The following PRKDC variants were observed in gnomAD, a reference collection of about 807,000 sequenced individuals.
PRKDC encodes protein kinase, DNA-activated, catalytic subunit, also known as DNA-dependent protein kinase catalytic subunit.
Under a neutral mutation model 486.9 loss-of-function variants are expected in PRKDC, and 82 were observed. The ratio of observed to expected loss-of-function variants is 0.17; its 90% CI spans 0.14 to 0.20. The LOEUF is 0.20. PRKDC is among the 10% of genes least tolerant of loss of function. The pLI, the probability that PRKDC is intolerant of heterozygous loss-of-function variation, is 1.00. For synonymous variants in PRKDC, 1,895 were observed against 1,837.0 expected, an observed-to-expected ratio of 1.03 and a Z score of -0.81; for missense variants, 4,504 against 5,038.2, an observed-to-expected ratio of 0.89 and a Z score of 3.21.
Position 47,826,859 on chromosome 8 carries a change from G to A in PRKDC, c.8580C>T (p.Asp2860=). The part of the protein sequence containing the change: ...FFPPFVSCIQ[D]ISCQHAALLS... Reference sequence around the variant, plus strand: ...GCAGGGCTGCGTGCTGACAGCTAATGTCCTGTGAAACCACACATACAACCA... The same window carrying A: ...GCAGGGCTGCGTGCTGACAGCTAATATCCTGTGAAACCACACATACAACCA... Residue 2860 remains aspartate (D), a splice_region_variant and synonymous_variant, in exon 63 of 86, where the codon GAC becomes GAT. Transcript: ENST00000314191. 1 of 1,573,692 alleles carries A rather than the reference G, an allele frequency of 6.4e-7. No individual in the cohort carries two copies. Among genetic ancestry groups the A allele is most frequent in the Non-Finnish European group, 8.7e-7 (1 of 1,155,244 alleles).
intron 25 of PRKDC, among the ~76,000 whole-genome samples, chr8:47,907,780 T>C (rs2089819146): frequency 6.6e-6 from 1 of 152,082 alleles, no homozygotes; most frequent in African/African-American, 2.4e-5. Context: ...GGCCAATTTA[T>C]ATACATTTAA....
rs1326726495 is a variant in PRKDC, at chr8:47,943,449, A to G, written c.809-83T>C. 4 of 1,375,742 alleles carry G rather than the reference A, an allele frequency of 2.9e-6. No homozygotes were observed. In the African/African-American group the frequency reaches 5.8e-5, roughly 20 times the overall value. The allele number at this position is 1,375,742 out of a possible 1,614,324, so 85.2% of individuals were successfully genotyped here. A position where few individuals can be genotyped will look rare whatever the true frequency, so the allele number is the denominator to read the frequency against. On this transcript the variant is annotated intron_variant, in intron 9 of 85. Coordinates refer to ENST00000314191, the MANE Select transcript of PRKDC (RefSeq NM_006904.7). ...CCAACAAACCTGCAGGGATATGTCA[A>G]AGTCAACACTGTGCTCAGGAAGATC...
At chr8:47,889,297 G>A in intron 32 of PRKDC, 75 bp from the exon 33 acceptor site, 2 of 1,315,760 alleles carry the variant, frequency 1.5e-6, no homozygotes, top group South Asian at 1.5e-5. Flanking sequence ...GGCCCACAAG[G>A]TTGGGAACTT....
chr8:47,863,667 T>A (rs976462124), intron 41 of PRKDC, 90 bp from the exon 42 acceptor site: 1 of 1,099,158 alleles, frequency 9.1e-7, no homozygotes, highest in Admixed American at 2.6e-5. Context: ...TTAATATCCT[T>A]TAGACAGACA....
rs756276640 is a variant in PRKDC, at chr8:47,927,813, G to A, written c.2217C>T (p.Asn739=). The change falls in exon 20 of 86, where the codon AAC becomes AAT. Residue 739 remains asparagine (N), a synonymous_variant. Coordinates refer to ENST00000314191, the MANE Select transcript of PRKDC (RefSeq NM_006904.7). ...AGGCTCTAACATCGAGTTCAATGAT[G>A]TTGTGTGGCAAGGACAGAAGAAAGG... ...CLTFLLSLPH[N]IIELDVRAYV... The A allele has an allele frequency of 5.7e-6, 9 of 1,591,340 alleles. No homozygotes were observed. Among genetic ancestry groups the A allele is most frequent in the African/African-American group, 1.4e-5 (1 of 73,758 alleles).
intron 40 of PRKDC, among the ~76,000 whole-genome samples, chr8:47,875,352 G>C (rs2089069566): frequency 6.6e-6 from 1 of 151,838 alleles, no homozygotes; most frequent in South Asian, 2.1e-4. Context: ...CTTTATTTTT[G>C]GCTAGCCTAG....
intron 46 of PRKDC, 114 bp from the exon 47 acceptor site, chr8:47,859,100 TA>T: frequency 8.9e-7 from 1 of 1,127,068 alleles, no homozygotes; most frequent in Non-Finnish European, 1.3e-6. Context: ...ACTTAGGTAA[TA>T]ATGATAATCT....
chr8:47,956,374 T>A (rs2090700306), intron 3 of PRKDC, among the ~76,000 whole-genome samples: 1 of 150,360 alleles, frequency 6.7e-6, no homozygotes, highest in African/African-American at 2.5e-5. Context: ...ACGCCTATAA[T>A]CCCTTTGAGG....
chr8:47,867,386 G>A (rs1284778567), intron 40 of PRKDC, among the ~76,000 whole-genome samples: 2 of 152,112 alleles, frequency 1.3e-5, no homozygotes, highest in Non-Finnish European at 2.9e-5. Flanking sequence ...TCTAAAATTT[G>A]AAAGTTAAAT....
rs2089919197 is a variant in PRKDC, at chr8:47,912,422, A to G, written c.2922T>C (p.Cys974=). Residue 974 remains cysteine, a synonymous_variant, in exon 25 of 86, where the codon TGT becomes TGC. Transcript: ENST00000314191. ...RTFPVLLRLA[C]DVDQVTRQLY... The stretch of plus-strand genomic sequence containing the variant: ...TCAAAGCCCTTACCTGATCAACATC[A>G]CACGCAAGTCGAAGCAGCACAGGAA... The G allele has an allele frequency of 6.3e-7, 1 of 1,589,622 alleles. No individual in the cohort carries two copies. Among genetic ancestry groups the G allele is most frequent in the African/African-American group, 1.4e-5 (1 of 73,732 alleles).
rs763486143 is a variant in PRKDC at position 47,882,017 on chromosome 8, C to T, written c.4857G>A (p.Ala1619=). 27 of 1,613,884 alleles carry T rather than the reference C, an allele frequency of 1.7e-5. No homozygotes were observed. In the East Asian group the frequency reaches 4.5e-4, roughly 27 times the overall value. The change falls in exon 37 of 86, where the codon GCG becomes GCA. Residue 1619 remains alanine (A), a synonymous_variant. Coordinates refer to ENST00000314191, the MANE Select transcript of PRKDC (RefSeq NM_006904.7). ...TCTTCCAGTGTTGCAGAATTGTAGTCGCAAGTTTCAGTCCTTGGTGTTTCT... is the reference window on the plus strand; with the variant it reads ...TCTTCCAGTGTTGCAGAATTGTAGTTGCAAGTTTCAGTCCTTGGTGTTTCT... The part of the protein sequence containing the change: ...ANQKHQGLKL[A]TTILQHWKKC...
rs758498140 is a variant in PRKDC, at chr8:47,898,466, C to T, written c.3464+4G>A. 10 of 1,548,330 alleles carry T rather than the reference C, an allele frequency of 6.5e-6. No individual in the cohort carries two copies. The highest frequency in any genetic ancestry group is 7.9e-6 in the Non-Finnish European group (9 of 1,141,734). On this transcript the variant is annotated splice_donor_region_variant and intron_variant, in intron 29 of 85. Transcript: ENST00000314191. ...AAGACGGAAAAGGAAGCAAGATCAC[C>T]TACCGCGGCAAACGTCGTTTCTTTG...
chr8:47,844,898 C>G (rs2088233278), intron 54 of PRKDC, among the ~76,000 whole-genome samples: 1 of 152,086 alleles, frequency 6.6e-6, no homozygotes, highest in Admixed American at 6.6e-5. Context: ...AATCAATAAT[C>G]AAACATCGCA....
chr8:47,957,149 A>C (rs1210797999), intron 3 of PRKDC, 22 bp downstream of exon 3: 9 of 1,448,892 alleles, frequency 6.2e-6, no homozygotes, highest in African/African-American at 1.4e-5. Flanking sequence ...TAATGTAATA[A>C]GGTATGTTTT....
chr8:47,862,015 T>G, intron 44 of PRKDC, 47 bp downstream of exon 44: 1 of 1,425,172 alleles, frequency 7.0e-7, no homozygotes, highest in Non-Finnish European at 9.6e-7. Flanking sequence ...ATGGTTTTCT[T>G]TGTGAGCACT....
chr8:47,924,437 G>T (rs375032823), intron 21 of PRKDC, among the ~76,000 whole-genome samples: 1 of 152,074 alleles, frequency 6.6e-6, no homozygotes, highest in African/African-American at 2.4e-5. Context: ...GTGCATGCCT[G>T]TAGTCTCAAC....
intron 76 of PRKDC, among the ~76,000 whole-genome samples, chr8:47,787,134 G>T (rs959726324): frequency 2.6e-5 from 4 of 152,078 alleles, no homozygotes; most frequent in Admixed American, 6.6e-5. Context: ...TTATAAATCT[G>T]ATATCAAATA....
intron 1 of PRKDC, among the ~76,000 whole-genome samples, chr8:47,958,789 G>A (rs1054298097): frequency 1.3e-5 from 2 of 149,572 alleles, no homozygotes; most frequent in Non-Finnish European, 3.0e-5. Context: ...AGGCTGGAGT[G>A]CAGTGGCACA....
At chr8:47,831,495 C>T (rs547614051) in intron 60 of PRKDC, among the ~76,000 whole-genome samples, 6 of 152,262 alleles carry the variant, frequency 3.9e-5, no homozygotes, top group African/African-American at 1.2e-4. Flanking sequence ...GCCCTCCCGC[C>T]GCATTGGTCC....
Sources: allele counts gnomAD v4.1 joint callset (sites outside exome capture counted in the v4.1 genomes callset), GRCh38; gene constraint gnomAD v4.1.1; transcripts MANE v1.5; gene names NCBI Gene and HGNC (gene_info 2026-07-23, HGNC 2026-07-21).